CSMD1: variants seen among roughly 807,000 people sequenced by gnomAD.
CSMD1 encodes the protein CUB and Sushi multiple domains 1.
In CSMD1, 213 loss-of-function variants were observed where a neutral mutation model predicts 417.5. The observed-to-expected ratio is 0.51, with a 90% CI of 0.46 to 0.57. The LOEUF is 0.57. CSMD1 is among the 20% of genes least tolerant of loss of function. The pLI is 0.00. For synonymous variants in CSMD1, 2,862 were observed against 1,736.8 expected, an observed-to-expected ratio of 1.65 and a Z score of -16.11; for missense variants, 6,923 against 4,529.7, an observed-to-expected ratio of 1.53 and a Z score of -15.17.
chr8:3,781,575 C>T (rs1365732438), intron 5 of CSMD1, among the ~76,000 whole-genome samples: 1 of 152,160 alleles, frequency 6.6e-6, no homozygotes, highest in East Asian at 1.9e-4. Context: ...GAAAAGAACT[C>T]TCCAATTATC....
chr8:4,509,295 T>C (rs1802696156), intron 2 of CSMD1, among the ~76,000 whole-genome samples: 1 of 151,992 alleles, frequency 6.6e-6, no homozygotes, highest in Admixed American at 6.5e-5. Context: ...AGTCAGGAGA[T>C]TGGAAGATGT....
At chr8:4,984,123 A>G (rs1206940626) in intron 1 of CSMD1, among the ~76,000 whole-genome samples, 2 of 152,232 alleles carry the variant, frequency 1.3e-5, no homozygotes, top group African/African-American at 4.8e-5. Flanking sequence ...CAGTAAATCA[A>G]AAACTGCTTT....
chr8:3,700,464 G>A (rs953630182), intron 7 of CSMD1: 2 of 152,170 alleles, frequency 1.3e-5, no homozygotes, highest in African/African-American at 4.8e-5. Flanking sequence ...GCAAGTAACA[G>A]AAGAAGATAG....
intron 3 of CSMD1, among the ~76,000 whole-genome samples, chr8:4,156,992 T>A (rs750912102): frequency 1.1e-4 from 17 of 151,994 alleles, no homozygotes; most frequent in Non-Finnish European, 2.2e-4. Context: ...ACATCCCAGA[T>A]GATATTAAGT....
intron 2 of CSMD1, among the ~76,000 whole-genome samples, chr8:4,446,224 T>C (rs1211486103): frequency 1.3e-5 from 2 of 152,204 alleles, no homozygotes; most frequent in Non-Finnish European, 2.9e-5. Flanking sequence ...CATCTATTTC[T>C]AGGATACCTT....
chr8:3,928,035 A>G (rs1364274063), intron 5 of CSMD1, among the ~76,000 whole-genome samples: 1 of 152,170 alleles, frequency 6.6e-6, no homozygotes, highest in African/African-American at 2.4e-5. Flanking sequence ...GAACAATTAT[A>G]GCATCAATTT....
intron 23 of CSMD1, among the ~76,000 whole-genome samples, chr8:3,314,062 T>A (rs956073970): frequency 6.6e-6 from 1 of 151,328 alleles, no homozygotes; most frequent in Non-Finnish European, 1.5e-5. Context: ...TAGGTGGGAA[T>A]TGAACAATGA....
intron 5 of CSMD1, among the ~76,000 whole-genome samples, chr8:3,981,605 C>A (rs1478611465): frequency 6.7e-6 from 1 of 149,956 alleles, no homozygotes; most frequent in African/African-American, 2.5e-5. Flanking sequence ...TAAATTGTAT[C>A]AATTAGAGCA....
At chr8:3,759,868 T>C (rs371450199) in intron 5 of CSMD1, among the ~76,000 whole-genome samples, 77 of 143,492 alleles carry the variant, frequency 5.4e-4, no homozygotes, top group Admixed American at 1.0e-3. Flanking sequence ...GAGATTGCAC[T>C]GTTGCACTCT....
In CSMD1 at chr8:4,229,049, G is replaced by A. The variant is rs182587300; in HGVS notation, c.415+190904C>T. Among the ~76,000 whole-genome samples, 10 of 152,092 alleles carry A rather than the reference G, an allele frequency of 6.6e-5. 1 individual carries two copies. Among genetic ancestry groups the A allele is most frequent in the African/African-American group, 2.2e-4 (9 of 41,384 alleles). On this transcript the variant is annotated intron_variant, in intron 3 of 69. Coordinates refer to ENST00000635120, the MANE Select transcript of CSMD1 (RefSeq NM_033225.6). ...ATCCGACTGTCTTCTCAACCACCTG[G>A]GATATCAGACTAAGCTTTCCCAAAC...
At chr8:4,725,366 T>G (rs1018404287) in intron 1 of CSMD1, among the ~76,000 whole-genome samples, 3 of 152,188 alleles carry the variant, frequency 2.0e-5, no homozygotes, top group African/African-American at 7.2e-5. Flanking sequence ...ATTAATTACA[T>G]AATAGTAATG....
At chr8:4,745,295 A>C (rs899322278) in intron 1 of CSMD1, among the ~76,000 whole-genome samples, 1 of 152,204 alleles carries the variant, frequency 6.6e-6, no homozygotes, top group Non-Finnish European at 1.5e-5. Context: ...ACACTATTGC[A>C]GCCTAATGGA....
chr8:4,069,631 A>C (rs562490326), intron 3 of CSMD1, among the ~76,000 whole-genome samples: 18 of 152,058 alleles, frequency 1.2e-4, no homozygotes, highest in South Asian at 8.3e-4. Flanking sequence ...TATTCCCCTC[A>C]AGCCTCTGCA....
At chr8:3,915,034 C>G (rs1808719608) in intron 5 of CSMD1, among the ~76,000 whole-genome samples, 1 of 152,092 alleles carries the variant, frequency 6.6e-6, no homozygotes, top group Admixed American at 6.5e-5. Flanking sequence ...ATTCTACAAA[C>G]ACATCCAGGG....
chr8:3,375,177 C>T (rs1234514565), intron 18 of CSMD1: 1 of 152,166 alleles, frequency 6.6e-6, no homozygotes. Flanking sequence ...AACTGCTTGC[C>T]AGGTTTCTCG....
intron 2 of CSMD1, among the ~76,000 whole-genome samples, chr8:4,588,352 C>T (rs1295043958): frequency 6.9e-6 from 1 of 144,020 alleles, no homozygotes; most frequent in Non-Finnish European, 1.5e-5. Flanking sequence ...AGAGAGCACA[C>T]ACTGGCTATG....
chr8:3,714,130 A>G (rs904033709), intron 6 of CSMD1, among the ~76,000 whole-genome samples: 1 of 150,126 alleles, frequency 6.7e-6, no homozygotes, highest in South Asian at 2.1e-4. Context: ...TATATAACAT[A>G]TAAGTTTATA....
In CSMD1 at chr8:4,382,521, C is replaced by A. The variant is rs185748461; in HGVS notation, c.415+37432G>T. On this transcript the variant is annotated intron_variant, in intron 3 of 69. Coordinates refer to ENST00000635120, the MANE Select transcript of CSMD1 (RefSeq NM_033225.6). ...CTCTGTTCACCGCTCTTCTTTTAAACTGTATTGCAAAAAGGATTATAAAAA... is the reference window on the plus strand; with the variant it reads ...CTCTGTTCACCGCTCTTCTTTTAAAATGTATTGCAAAAAGGATTATAAAAA... Among the ~76,000 whole-genome samples, 66 of 152,234 alleles carry A rather than the reference C, an allele frequency of 4.3e-4. No individual in the cohort carries two copies. The East Asian group carries it at 0.01, about 24-fold the overall frequency.
At chr8:4,411,716 G>C (rs1271174460) in intron 3 of CSMD1, among the ~76,000 whole-genome samples, 1 of 152,084 alleles carries the variant, frequency 6.6e-6, no homozygotes, top group Non-Finnish European at 1.5e-5. Flanking sequence ...ATATATATAT[G>C]TGTGCTATGT....
Sources: allele counts gnomAD v4.1 joint callset (sites outside exome capture counted in the v4.1 genomes callset), GRCh38; gene constraint gnomAD v4.1.1; transcripts MANE v1.5; gene names NCBI Gene and HGNC (gene_info 2026-07-23, HGNC 2026-07-21).